The following ENTREP2 variants were observed in gnomAD, a reference collection of about 807,000 sequenced individuals.
ENTREP2 encodes the protein endosomal transmembrane epsin interactor 2, also known as protein ENTREP2.
the ENTREP2 span, among the ~76,000 whole-genome samples, chr15:29,459,457 GA>G: frequency 7.9e-5 from 12 of 152,308 alleles, no homozygotes; most frequent in South Asian, 8.3e-4. Flanking sequence ...CATCCTCATA[GA>G]TTATTTCTCA....
the ENTREP2 span, among the ~76,000 whole-genome samples, chr15:29,140,085 G>A: frequency 2.0e-5 from 3 of 152,144 alleles, no homozygotes; most frequent in Admixed American, 1.3e-4. Context: ...CCGGCTTTGC[G>A]GGCTGAGAGC....
chr15:29,125,061 T>C, the ENTREP2 span, among the ~76,000 whole-genome samples: 1 of 152,138 alleles, frequency 6.6e-6, no homozygotes, highest in East Asian at 1.9e-4. Context: ...CCAGGCACCC[T>C]GGAAGGCATG....
At chr15:29,613,342 C>T in the ENTREP2 span, 1 of 291,302 alleles carries the variant, frequency 3.4e-6, no homozygotes, top group Non-Finnish European at 6.9e-6. Context: ...GGCAGCAGTA[C>T]ACAGTGGAGC....
At chr15:29,431,139 CAATTAT>C in the ENTREP2 span, among the ~76,000 whole-genome samples, 1 of 152,090 alleles carries the variant, frequency 6.6e-6, no homozygotes, top group African/African-American at 2.4e-5. Flanking sequence ...GAGGGAAATG[CAATTAT>C]AATCTGGTAT....
At chr15:29,324,071 T>C in the ENTREP2 span, among the ~76,000 whole-genome samples, 3 of 151,452 alleles carry the variant, frequency 2.0e-5, no homozygotes, top group Admixed American at 2.0e-4. Context: ...GGGAAAGAAG[T>C]GAACAACAAC....
At chr15:29,628,846 T>C in the ENTREP2 span, among the ~76,000 whole-genome samples, 1 of 152,082 alleles carries the variant, frequency 6.6e-6, no homozygotes, top group Non-Finnish European at 1.5e-5. Flanking sequence ...ACCTCCTGGG[T>C]TTGAGTGATT....
the ENTREP2 span, among the ~76,000 whole-genome samples, chr15:29,631,625 T>C: frequency 6.6e-6 from 1 of 152,252 alleles, no homozygotes; most frequent in African/African-American, 2.4e-5. Context: ...ACCTTTGGGT[T>C]GATCAGCTGT....
At chr15:29,362,133 C>A in the ENTREP2 span, among the ~76,000 whole-genome samples, 1 of 152,182 alleles carries the variant, frequency 6.6e-6, no homozygotes, top group African/African-American at 2.4e-5. Flanking sequence ...AGTGCTGTTC[C>A]ACAGACCTTA....
the ENTREP2 span, among the ~76,000 whole-genome samples, chr15:29,505,924 CG>C: frequency 0.033 from 4,966 of 152,014 alleles, 259 homozygotes; most frequent in African/African-American, 0.11. This position sits in a 1 kb window ranked among gnomAD's most constrained non-coding sequence, Gnocchi z 4.3. Flanking sequence ...GATGAACTGA[CG>C]GAAGTAGGCT....
chr15:29,279,383 T>G, the ENTREP2 span, among the ~76,000 whole-genome samples: 3 of 151,976 alleles, frequency 2.0e-5, no homozygotes, highest in Non-Finnish European at 2.9e-5. Context: ...TTTTTTTTTT[T>G]GAGATGGAGC....
At chr15:29,132,346 C>T in the ENTREP2 span, among the ~76,000 whole-genome samples, 18 of 152,274 alleles carry the variant, frequency 1.2e-4, no homozygotes, top group Admixed American at 9.2e-4. Context: ...CTCCCAGACA[C>T]GGCCGTGAAT....
the ENTREP2 span, among the ~76,000 whole-genome samples, chr15:29,624,059 C>G: frequency 6.6e-6 from 1 of 152,184 alleles, no homozygotes; most frequent in Non-Finnish European, 1.5e-5. Context: ...CTTTTGGCCT[C>G]TAGTTATAAA....
the ENTREP2 span, among the ~76,000 whole-genome samples, chr15:29,309,326 C>T: frequency 1.3e-5 from 2 of 152,214 alleles, no homozygotes; most frequent in African/African-American, 4.8e-5. Flanking sequence ...ATTGTTACCA[C>T]TGTCGCGGTA....
At chr15:29,143,474 C>T in the ENTREP2 span, among the ~76,000 whole-genome samples, 2 of 152,278 alleles carry the variant, frequency 1.3e-5, no homozygotes, top group South Asian at 4.1e-4. Context: ...AAGAGGTGCT[C>T]CTTCCTGTGG....
At chr15:29,579,686 ATTTTTTTTTTTTTTTTTTTTTTTTTTTT>A in the ENTREP2 span, among the ~76,000 whole-genome samples, 280 of 55,822 alleles carry the variant, frequency 5.0e-3, no homozygotes, top group Non-Finnish European at 7.0e-3. Flanking sequence ...CACCCAGCTA[ATTTTTTTTTTTTTTTTTTTTTTTTTTTT>A]TTTTTTTTTT....
At chr15:29,671,435 G>A in the ENTREP2 span, among the ~76,000 whole-genome samples, 7 of 152,274 alleles carry the variant, frequency 4.6e-5, no homozygotes, top group East Asian at 5.8e-4. Flanking sequence ...TGGCGTCTGC[G>A]GTGTAGGTGA....
chr15:29,422,005 C>T, the ENTREP2 span, among the ~76,000 whole-genome samples: 1 of 152,102 alleles, frequency 6.6e-6, no homozygotes, highest in Non-Finnish European at 1.5e-5. Flanking sequence ...CGGTGGCTCA[C>T]GCCTGTAATC....
the ENTREP2 span, among the ~76,000 whole-genome samples, chr15:29,587,143 G>A: frequency 2.8e-5 from 1 of 35,222 alleles, no homozygotes; most frequent in African/African-American, 1.3e-4. Flanking sequence ...CTAACCGTGT[G>A]TGTGTGTGTG....
chr15:29,546,440 GT>G, the ENTREP2 span, among the ~76,000 whole-genome samples: 1 of 151,842 alleles, frequency 6.6e-6, no homozygotes, highest in Non-Finnish European at 1.5e-5. Flanking sequence ...GGTAATAGGG[GT>G]AAAAAAAAAG....
Sources: gnomAD v4.1 joint callset for allele counts (sites outside exome capture counted in the v4.1 genomes callset) on GRCh38, gnomAD v4.1.1 for gene constraint, Gnocchi (gnomAD v3.1) non-coding constraint, MANE v1.5 for transcripts, NCBI Gene and HGNC (gene_info 2026-07-23, HGNC 2026-07-21) for gene names.